DMD: variants seen among roughly 807,000 people sequenced by gnomAD.
The protein encoded by DMD is mutant dystrophin.
A neutral mutation model predicts 330.1 loss-of-function variants in DMD; 63 were observed. The ratio of observed to expected loss-of-function variants is 0.19; its 90% CI spans 0.16 to 0.24. DMD has a LOEUF of 0.24. DMD is among the 10% of genes least tolerant of loss of function. The pLI, the probability that DMD is intolerant of heterozygous loss-of-function variation, is 1.00. For missense variants in DMD, 3,344 were observed against 2,684.1 expected, an observed-to-expected ratio of 1.25 and a Z score of -5.43; for synonymous variants, 1,223 against 959.8, an observed-to-expected ratio of 1.27 and a Z score of -5.07.
intron 50 of DMD, among the ~76,000 whole-genome samples, chrX:31,774,881 TTAAA>T (rs1345667077): frequency 8.9e-6 from 1 of 112,095 alleles, no homozygotes; most frequent in African/African-American, 3.2e-5. Flanking sequence ...TTCAAAGTCA[TTAAA>T]TAAATCTTAA....
At position 33,007,483 on chromosome X, in the gene DMD, T is replaced by G. The variant is rs150645303; in HGVS notation, c.93+12656A>C. On this transcript the variant is annotated intron_variant, in intron 2 of 78. Transcript: ENST00000357033. The stretch of plus-strand genomic sequence containing the variant: ...AAATGGCAACCTACCCTTTGAAATA[T>G]CCCTATTCTACCCTTATCCTGCTTT... Among the ~76,000 whole-genome samples, 498 of 111,633 alleles carry G rather than the reference T, an allele frequency of 4.5e-3. 1 individual carries two copies. The highest frequency in any genetic ancestry group is 0.015 in the African/African-American group (457 of 30,828).
At chrX:31,645,948 T>C (rs1388870281) in intron 54 of DMD, among the ~76,000 whole-genome samples, 1 of 111,656 alleles carries the variant, frequency 9.0e-6, no homozygotes, top group African/African-American at 3.3e-5. Context: ...CTTATTAAGA[T>C]ACAGTGGAAC....
intron 43 of DMD, among the ~76,000 whole-genome samples, chrX:32,269,883 T>G (rs7063772): frequency 0.035 from 3,986 of 112,356 alleles, 178 homozygotes; most frequent in African/African-American, 0.12. Flanking sequence ...TCTGTAGATT[T>G]TTCTTTCAGT....
intron 1 of DMD, among the ~76,000 whole-genome samples, chrX:33,287,715 C>G (rs2053454566): frequency 9.0e-6 from 1 of 111,220 alleles, no homozygotes; most frequent in Admixed American, 9.6e-5. Flanking sequence ...GAGCACTAGG[C>G]CAGTGCAAAA....
intron 27 of DMD, among the ~76,000 whole-genome samples, chrX:32,445,881 G>A (rs1218122721): frequency 1.8e-5 from 2 of 111,251 alleles, no homozygotes; most frequent in African/African-American, 6.5e-5. Context: ...ATACATAAAT[G>A]TAGAGAGATA....
chrX:31,244,531 C>G (rs1260771192), intron 63 of DMD, among the ~76,000 whole-genome samples: 1 of 111,550 alleles, frequency 9.0e-6, no homozygotes, highest in Non-Finnish European at 1.9e-5. Flanking sequence ...AAATTCAACA[C>G]GAATTTGACT....
chrX:31,691,246 G>A (rs754822679), intron 52 of DMD, among the ~76,000 whole-genome samples: 3 of 110,876 alleles, frequency 2.7e-5, no homozygotes, highest in South Asian at 3.8e-4. Flanking sequence ...TGTAAGCCTC[G>A]GAGTATCCAC....
intron 44 of DMD, among the ~76,000 whole-genome samples, chrX:32,110,773 G>A (rs2037638861): frequency 8.9e-6 from 1 of 111,778 alleles, no homozygotes; most frequent in Admixed American, 9.5e-5. Context: ...CAGGTTCTTG[G>A]GTAAATCTGG....
At chrX:31,850,760 T>C (rs1406429230) in intron 48 of DMD, among the ~76,000 whole-genome samples, 3 of 112,788 alleles carry the variant, frequency 2.7e-5, no homozygotes, top group African/African-American at 6.4e-5. Context: ...TAATAAATGT[T>C]TGTTGTTATA....
At chrX:31,434,354 C>G (rs1171987369) in intron 60 of DMD, among the ~76,000 whole-genome samples, 2 of 107,269 alleles carry the variant, frequency 1.9e-5, no homozygotes, top group Admixed American at 1.0e-4. Flanking sequence ...GGTCAAAGGT[C>G]ACTTTTATTG....
At chrX:32,981,359 G>A (rs1175534997) in intron 2 of DMD, among the ~76,000 whole-genome samples, 10 of 111,414 alleles carry the variant, frequency 9.0e-5, no homozygotes, top group Non-Finnish European at 1.3e-4. Flanking sequence ...TTCCAAAGCC[G>A]AGGTTAGCAT....
chrX:32,236,226 C>T (rs1003916218), intron 43 of DMD, among the ~76,000 whole-genome samples: 3 of 111,411 alleles, frequency 2.7e-5, no homozygotes, highest in Non-Finnish European at 5.7e-5. Context: ...GACAACTTAC[C>T]GTTCAACAGA....
intron 44 of DMD, among the ~76,000 whole-genome samples, chrX:32,069,975 A>G (rs2096284744): frequency 9.0e-6 from 1 of 111,648 alleles, no homozygotes; most frequent in African/African-American, 3.3e-5. Flanking sequence ...CAAATAGGCT[A>G]ATTAGGTGCT....
chrX:33,260,434 C>T (rs1490556563), intron 1 of DMD, among the ~76,000 whole-genome samples: 1 of 110,968 alleles, frequency 9.0e-6, no homozygotes, highest in Non-Finnish European at 1.9e-5. Flanking sequence ...ACAGCACTGC[C>T]CTACTAAAAA....
At chrX:32,654,313 A>G (rs375043259) in intron 9 of DMD, among the ~76,000 whole-genome samples, 5 of 111,722 alleles carry the variant, frequency 4.5e-5, no homozygotes, top group Admixed American at 9.5e-5. Flanking sequence ...TTATTATTTT[A>G]AGATACGTCC....
intron 30 of DMD, among the ~76,000 whole-genome samples, chrX:32,404,641 G>A (rs1011731780): frequency 8.1e-5 from 9 of 111,472 alleles, no homozygotes; most frequent in African/African-American, 2.9e-4. Flanking sequence ...ATGTTGGGTT[G>A]TTCTTACATA....
intron 16 of DMD, among the ~76,000 whole-genome samples, chrX:32,552,376 T>C (rs2049669604): frequency 9.0e-6 from 1 of 110,847 alleles, no homozygotes; most frequent in Non-Finnish European, 1.9e-5. Flanking sequence ...GGAAAAGGAC[T>C]GCCTATTCAT....
intron 17 of DMD, among the ~76,000 whole-genome samples, chrX:32,538,758 A>G (rs1169721486): frequency 1.8e-5 from 2 of 111,538 alleles, no homozygotes; most frequent in Non-Finnish European, 3.8e-5. Flanking sequence ...CTCCACGCCT[A>G]TTAGAATTAG....
chrX:32,095,443 CA>C (rs2148038513), intron 44 of DMD, among the ~76,000 whole-genome samples: 1 of 110,706 alleles, frequency 9.0e-6, no homozygotes, highest in South Asian at 3.8e-4. Flanking sequence ...TTTCCCTCCC[CA>C]AAGAAAATCT....
Sources: gnomAD v4.1 joint callset for allele counts (sites outside exome capture counted in the v4.1 genomes callset) on GRCh38, gnomAD v4.1.1 for gene constraint, MANE v1.5 for transcripts, NCBI Gene and HGNC (gene_info 2026-07-23, HGNC 2026-07-21) for gene names.